The following SYT15B variants were observed in gnomAD, a reference collection of about 807,000 sequenced individuals.
SYT15B encodes the protein synaptotagmin 15B.
the SYT15B span, among the ~76,000 whole-genome samples, chr10:47,756,747 G>A: frequency 6.6e-6 from 1 of 152,226 alleles, no homozygotes; most frequent in African/African-American, 2.4e-5. Flanking sequence ...CATGTGGGGT[G>A]AACCAAGGCC....
the SYT15B span, chr10:47,760,654 G>C: frequency 1.5e-6 from 1 of 687,270 alleles, no homozygotes; most frequent in Non-Finnish European, 2.4e-6. Flanking sequence ...AAAGCACCCA[G>C]AAAGAGTGGT....
At chr10:47,751,181 C>T in the SYT15B span, 1 of 151,796 alleles carries the variant, frequency 6.6e-6, no homozygotes, top group Non-Finnish European at 1.5e-5. Flanking sequence ...ACTATCACTA[C>T]TTATAGTCAG....
chr10:47,762,396 G>A, the SYT15B span, among the ~76,000 whole-genome samples: 1 of 123,052 alleles, frequency 8.1e-6, no homozygotes, highest in African/African-American at 3.1e-5. Flanking sequence ...GGGCATTCAG[G>A]TCTCAGGGAT....
At chr10:47,761,133 T>G in the SYT15B span, among the ~76,000 whole-genome samples, 1 of 145,466 alleles carries the variant, frequency 6.9e-6, no homozygotes, top group Non-Finnish European at 1.5e-5. Flanking sequence ...CACACAGCAG[T>G]GGGATTTGGA....
the SYT15B span, among the ~76,000 whole-genome samples, chr10:47,747,189 T>G: frequency 4.0e-5 from 6 of 151,726 alleles, no homozygotes; most frequent in Admixed American, 1.3e-4. Flanking sequence ...CGGCCATAGC[T>G]AAGAGGCAGC....
At chr10:47,760,896 G>C in the SYT15B span, 1 of 1,474,334 alleles carries the variant, frequency 6.8e-7, no homozygotes. Context: ...GGCCTTGAAG[G>C]GTTGGGGGCA....
At chr10:47,747,806 TAGAG>T in the SYT15B span, among the ~76,000 whole-genome samples, 1 of 151,884 alleles carries the variant, frequency 6.6e-6, no homozygotes, top group African/African-American at 2.4e-5. Context: ...ATGGGTGGAA[TAGAG>T]ACTTTCATCA....
At chr10:47,747,822 A>AGAACTGGAATCTACAAGAAAGAAT in the SYT15B span, among the ~76,000 whole-genome samples, 1 of 152,056 alleles carries the variant, frequency 6.6e-6, no homozygotes, top group Non-Finnish European at 1.5e-5. Context: ...CTTTCATCAA[A>AGAACTGGAATCTACAAGAAAGAAT]GAACTGGAAT....
the SYT15B span, chr10:47,753,199 G>C: frequency 1.1e-6 from 1 of 925,474 alleles, no homozygotes; most frequent in Non-Finnish European, 1.3e-6. Context: ...ACAAAACAAC[G>C]TGTTGACGTG....
At chr10:47,752,958 A>C in the SYT15B span, 2 of 83,002 alleles carry the variant, frequency 2.4e-5, no homozygotes, top group African/African-American at 9.7e-5. Context: ...AATAAAAAAA[A>C]TTAGCCAGGC....
At chr10:47,748,261 T>A in the SYT15B span, among the ~76,000 whole-genome samples, 1 of 142,718 alleles carries the variant, frequency 7.0e-6, no homozygotes, top group African/African-American at 2.6e-5. Context: ...CAGGCTGGAG[T>A]ACGGTGGCGC....
the SYT15B span, among the ~76,000 whole-genome samples, chr10:47,746,958 T>A: frequency 1.6e-5 from 2 of 125,314 alleles, no homozygotes; most frequent in Non-Finnish European, 3.4e-5. Flanking sequence ...TTTTTCTGCT[T>A]GAGGCAGACC....
At chr10:47,756,662 C>CACAA in the SYT15B span, among the ~76,000 whole-genome samples, 1 of 152,308 alleles carries the variant, frequency 6.6e-6, no homozygotes, top group Non-Finnish European at 1.5e-5. Flanking sequence ...CAGATGTGAA[C>CACAA]ACAAACAGGT....
chr10:47,762,931 CGGGTCCCGGGCGCCAGGGGCGCCAG>C, the SYT15B span: 1 of 1,359,128 alleles, frequency 7.4e-7, no homozygotes, highest in Non-Finnish European at 9.5e-7. Context: ...CCAGCCAGGG[CGGGTCCCGGGCGCCAGGGGCGCCAG>C]GGGCTCCCTG....
At chr10:47,749,676 G>GC in the SYT15B span, among the ~76,000 whole-genome samples, 2 of 151,034 alleles carry the variant, frequency 1.3e-5, no homozygotes, top group Non-Finnish European at 2.9e-5. Flanking sequence ...AATGGTAGGG[G>GC]GGGAAACGGA....
the SYT15B span, among the ~76,000 whole-genome samples, chr10:47,747,116 T>C: frequency 6.8e-6 from 1 of 147,268 alleles, no homozygotes; most frequent in Non-Finnish European, 1.5e-5. Flanking sequence ...TGGCCCTCTG[T>C]GAACTACTTT....
At chr10:47,748,677 G>C in the SYT15B span, among the ~76,000 whole-genome samples, 10 of 152,220 alleles carry the variant, frequency 6.6e-5, no homozygotes, top group Middle Eastern at 3.4e-3. Context: ...TTTGTAGAGG[G>C]GGGGGATCTT....
chr10:47,749,257 CA>C, the SYT15B span, among the ~76,000 whole-genome samples: 1 of 114,986 alleles, frequency 8.7e-6, no homozygotes, highest in Non-Finnish European at 1.8e-5. Flanking sequence ...CAAAAAAACA[CA>C]AAAAAACCTG....
the SYT15B span, among the ~76,000 whole-genome samples, chr10:47,749,986 C>G: frequency 2.2e-3 from 333 of 152,074 alleles, 1 homozygote; most frequent in African/African-American, 7.6e-3. Flanking sequence ...AAGGTTCACT[C>G]TACCAGAAAA....
Sources: gnomAD v4.1 joint callset for allele counts (sites outside exome capture counted in the v4.1 genomes callset) on GRCh38, gnomAD v4.1.1 for gene constraint, MANE v1.5 for transcripts, NCBI Gene and HGNC (gene_info 2026-07-23, HGNC 2026-07-21) for gene names.